The following RSU1 variants were observed in gnomAD, a reference collection of about 807,000 sequenced individuals.
The protein encoded by RSU1 is rsu-1.
Under a neutral mutation model 31.1 loss-of-function variants are expected in RSU1, and 26 were observed. The ratio of observed to expected loss-of-function variants is 0.84; its 90% CI spans 0.61 to 1.16. The LOEUF (loss-of-function observed/expected upper bound fraction) is 1.16, where lower values mean the gene tolerates loss of function less well. Ranked by LOEUF, RSU1 falls within the 50% of genes most tolerant of loss-of-function variation. The pLI, the probability that RSU1 is intolerant of heterozygous loss-of-function variation, is 0.00. For synonymous variants in RSU1, 164 were observed against 136.3 expected (o/e 1.20, Z -1.41); for missense variants, 320 against 339.1 (o/e 0.94, Z 0.44).
intron 8 of RSU1, among the ~76,000 whole-genome samples, chr10:16,660,643 C>CTTTT (rs1483500175): frequency 2.1e-4 from 10 of 47,574 alleles, no homozygotes; most frequent in African/African-American, 5.0e-4. Context: ...TTCTTGAACT[C>CTTTT]TCTTTTTTTT....
intron 7 of RSU1, among the ~76,000 whole-genome samples, chr10:16,695,856 A>C (rs1454712992): frequency 6.6e-6 from 1 of 152,238 alleles, no homozygotes; most frequent in Non-Finnish European, 1.5e-5. Context: ...GCTGATGCTC[A>C]ATCTCATACA....
At chr10:16,722,938 A>G (rs1011551631) in intron 7 of RSU1, 9 of 150,226 alleles carry the variant, frequency 6.0e-5, no homozygotes, top group African/African-American at 2.2e-4. Flanking sequence ...ACACACATAT[A>G]CATATATGTA....
chr10:16,598,898 T>C (rs1182920007), intron 8 of RSU1, among the ~76,000 whole-genome samples: 2 of 152,276 alleles, frequency 1.3e-5, no homozygotes, highest in East Asian at 1.9e-4. Context: ...TTAATTTCAA[T>C]AGGGAAAATG....
intron 7 of RSU1, among the ~76,000 whole-genome samples, chr10:16,708,488 A>G (rs1444998667): frequency 1.3e-5 from 2 of 152,062 alleles, no homozygotes; most frequent in South Asian, 2.1e-4. Flanking sequence ...TTAGGAGTCA[A>G]CTGTACATTT....
chr10:16,752,446 C>T, intron 7 of RSU1, 93 bp downstream of exon 7: 1 of 886,854 alleles, frequency 1.1e-6, no homozygotes, highest in Non-Finnish European at 1.8e-6. Context: ...AGAGTAGTTG[C>T]CAAGAAGAGG....
chr10:16,598,479 G>A lies in RSU1; in HGVS notation c.732-4983C>T, dbSNP rs113326930. Among the ~76,000 whole-genome samples, 799 of 152,276 alleles carry A rather than the reference G, an allele frequency of 5.2e-3. 6 individuals carry two copies. Among genetic ancestry groups the A allele is most frequent in the African/African-American group, 0.019 (771 of 41,550 alleles). On this transcript the variant is annotated intron_variant, in intron 8 of 8. Transcript: ENST00000345264. Reference sequence around the variant, plus strand: ...TGCATTGGGAGGATCGCTTGAGCCTGGGAGTTTGAGGCTGCAGTGAGCCGT... The same window carrying A: ...TGCATTGGGAGGATCGCTTGAGCCTAGGAGTTTGAGGCTGCAGTGAGCCGT...
At chr10:16,812,159 A>C (rs1398006961) in intron 2 of RSU1, among the ~76,000 whole-genome samples, 8 of 152,254 alleles carry the variant, frequency 5.3e-5, no homozygotes, top group African/African-American at 1.9e-4. Flanking sequence ...AATAATTTTA[A>C]GGCCGGGCAC....
chr10:16,785,559 A>G (rs1418451859), intron 2 of RSU1, among the ~76,000 whole-genome samples: 2 of 148,258 alleles, frequency 1.3e-5, no homozygotes, highest in Non-Finnish European at 3.0e-5. Flanking sequence ...GAACCCTAAT[A>G]CAGGAGGGAT....
At chr10:16,798,986 C>T (rs1177583589) in intron 2 of RSU1, among the ~76,000 whole-genome samples, 2 of 152,140 alleles carry the variant, frequency 1.3e-5, no homozygotes, top group African/African-American at 2.4e-5. Flanking sequence ...TGATGCCTTT[C>T]TGAGGAATAT....
intron 3 of RSU1, among the ~76,000 whole-genome samples, chr10:16,768,575 T>C (rs1266006078): frequency 1.3e-5 from 2 of 152,286 alleles, no homozygotes; most frequent in Middle Eastern, 3.4e-3. Context: ...GACGCTCTCA[T>C]CCCAGAGCCT....
chr10:16,811,155 T>G (rs1474958652), intron 2 of RSU1, among the ~76,000 whole-genome samples: 1 of 152,154 alleles, frequency 6.6e-6, no homozygotes, highest in Non-Finnish European at 1.5e-5. Context: ...CCCTATGGGA[T>G]TCCATACAAT....
intron 8 of RSU1, among the ~76,000 whole-genome samples, chr10:16,669,413 A>G (rs1835064329): frequency 6.6e-6 from 1 of 151,152 alleles, no homozygotes; most frequent in African/African-American, 2.4e-5. Context: ...ACCATTTTTC[A>G]TTAATTCCCC....
At chr10:16,658,925 C>G (rs1406090361) in intron 8 of RSU1, among the ~76,000 whole-genome samples, 1 of 152,130 alleles carries the variant, frequency 6.6e-6, no homozygotes, top group Non-Finnish European at 1.5e-5. Context: ...TGTATTGTTC[C>G]AAATGTTAAT....
At chr10:16,752,481 A>C (rs181137692) in intron 7 of RSU1, 58 bp downstream of exon 7, 6 of 1,282,948 alleles carry the variant, frequency 4.7e-6, no homozygotes, top group Non-Finnish European at 6.8e-6. Flanking sequence ...GAATTGCTAC[A>C]TTAGGATAAT....
intron 7 of RSU1, among the ~76,000 whole-genome samples, chr10:16,724,767 C>T (rs1836349716): frequency 6.6e-6 from 1 of 152,218 alleles, no homozygotes; most frequent in Non-Finnish European, 1.5e-5. Flanking sequence ...AGTGACAAGG[C>T]TGTTGCTTAA....
chr10:16,591,247 T>G lies in RSU1; in HGVS notation c.*2147A>C, dbSNP rs1833499932. The G allele has an allele frequency of 6.6e-6, 1 of 152,222 alleles. No individual in the cohort carries two copies. Among genetic ancestry groups the G allele is most frequent in the Non-Finnish European group, 1.5e-5 (1 of 68,050 alleles). 9.4% of individuals were successfully genotyped at this position (152,222 alleles called of 1,614,324 possible). On this transcript the variant is annotated 3_prime_UTR_variant, in exon 9 of 9. Coordinates refer to ENST00000345264, the MANE Select transcript of RSU1 (RefSeq NM_012425.4). Reference sequence around the variant, plus strand: ...AATTTTTAATGTCATAAAAGCCTCATGCAGACACACCGTAATTCATTGAAC... The same window carrying G: ...AATTTTTAATGTCATAAAAGCCTCAGGCAGACACACCGTAATTCATTGAAC...
chr10:16,636,790 A>T (rs1834350760), intron 8 of RSU1, among the ~76,000 whole-genome samples: 5 of 152,126 alleles, frequency 3.3e-5, no homozygotes. Context: ...AAATTTCTGC[A>T]CATCCTTTAG....
intron 7 of RSU1, among the ~76,000 whole-genome samples, chr10:16,703,543 C>T (rs971552401): frequency 2.0e-5 from 3 of 152,124 alleles, no homozygotes; most frequent in Admixed American, 6.6e-5. Context: ...CTAGAAACAA[C>T]TCAGATGTCT....
At chr10:16,673,947 C>A (rs564013743) in intron 8 of RSU1, among the ~76,000 whole-genome samples, 19 of 152,266 alleles carry the variant, frequency 1.2e-4, no homozygotes, top group African/African-American at 4.1e-4. Context: ...TCAAAGCCTG[C>A]CAATTTACCT....
Sources: gnomAD v4.1 joint callset for allele counts (sites outside exome capture counted in the v4.1 genomes callset) on GRCh38, gnomAD v4.1.1 for gene constraint, MANE v1.5 for transcripts, NCBI Gene and HGNC (gene_info 2026-07-23, HGNC 2026-07-21) for gene names.